LEO1: variants seen among roughly 807,000 people sequenced by gnomAD.
LEO1 encodes the protein LEO1 component of Paf1/RNA polymerase II complex, also known as RNA polymerase-associated protein LEO1.
LEO1 carries 34 observed loss-of-function variants against 80.4 expected under a neutral mutation model. The ratio of observed to expected loss-of-function variants is 0.42; its 90% CI spans 0.32 to 0.56. LEO1 has a LOEUF of 0.56. Among genes scored for constraint, LEO1 ranks in the 20% least tolerant of loss-of-function variants. LEO1 has a pLI of 0.10. For synonymous variants in LEO1, 262 were observed against 274.9 expected, an observed-to-expected ratio of 0.95 and a Z score of 0.46; for missense variants, 631 against 814.2, an observed-to-expected ratio of 0.77 and a Z score of 2.74.
chr15:51,970,724 G>T (rs529703721), intron 1 of LEO1, among the ~76,000 whole-genome samples: 46 of 152,248 alleles, frequency 3.0e-4, no homozygotes, highest in African/African-American at 1.1e-3. Flanking sequence ...TTTTATTTGG[G>T]GGTGATGAAA....
intron 11 of LEO1, chr15:51,947,013 C>T: frequency 2.6e-6 from 1 of 387,158 alleles, no homozygotes; most frequent in Non-Finnish European, 4.7e-6. Context: ...TCCGGAGTGA[C>T]CTACCAGAGA....
At chr15:51,947,559 G>C (rs1172353235) in intron 10 of LEO1, among the ~76,000 whole-genome samples, 170 bp from the exon 11 acceptor site, 1 of 152,042 alleles carries the variant, frequency 6.6e-6, no homozygotes, top group Non-Finnish European at 1.5e-5. Flanking sequence ...GGGACCACAG[G>C]TGTGCACTAC....
chr15:51,959,004 C>CTT (rs779645883), intron 5 of LEO1, among the ~76,000 whole-genome samples, 178 bp from the exon 6 acceptor site: 3 of 140,406 alleles, frequency 2.1e-5, no homozygotes, highest in South Asian at 2.3e-4. Flanking sequence ...GTACTTTTTT[C>CTT]TTTTTTTTTT....
In LEO1 at chr15:51,947,282, T is replaced by C; in HGVS notation, c.1896+10A>G. ...GATAAACCCCTAGAATTGAATAAAT[T>C]TGGTCTTACCTCATCACTGGTAAGT... On this transcript the variant is annotated intron_variant, in intron 11 of 11. Coordinates refer to ENST00000299601, the MANE Select transcript of LEO1 (RefSeq NM_138792.4). The C allele has an allele frequency of 6.4e-7, 1 of 1,571,144 alleles. No homozygotes were observed. Among genetic ancestry groups the C allele is most frequent in the Non-Finnish European group, 8.8e-7 (1 of 1,141,080 alleles).
chr15:51,940,784 C>CA (rs200079120), intron 11 of LEO1, among the ~76,000 whole-genome samples: 2 of 150,264 alleles, frequency 1.3e-5, no homozygotes, highest in South Asian at 2.1e-4. Context: ...ATAATTGCTA[C>CA]AAAAAAAAAT....
chr15:51,964,167 C>A (rs1029519210), intron 2 of LEO1, among the ~76,000 whole-genome samples: 1 of 151,320 alleles, frequency 6.6e-6, no homozygotes, highest in African/African-American at 2.4e-5. Context: ...GATCATGCCA[C>A]TACACTCCAG....
At chr15:51,963,205 G>T (rs1003911367) in intron 2 of LEO1, among the ~76,000 whole-genome samples, 4 of 152,138 alleles carry the variant, frequency 2.6e-5, no homozygotes, top group Admixed American at 1.3e-4. Flanking sequence ...GAACCTGGGA[G>T]ACTGATGGTG....
intron 2 of LEO1, among the ~76,000 whole-genome samples, chr15:51,964,815 T>A (rs1489750883): frequency 6.6e-6 from 1 of 152,200 alleles, no homozygotes; most frequent in Admixed American, 6.5e-5. Flanking sequence ...TTCAACTTAA[T>A]TAAGGTAACT....
At chr15:51,957,414 G>A (rs567492731) in intron 6 of LEO1, among the ~76,000 whole-genome samples, 2 of 152,176 alleles carry the variant, frequency 1.3e-5, no homozygotes, top group South Asian at 4.1e-4. Context: ...AATATTAACA[G>A]ATGGGCTAAT....
intron 9 of LEO1, among the ~76,000 whole-genome samples, chr15:51,950,446 C>CCAGCCCCT (rs2056940235): frequency 6.6e-6 from 1 of 152,202 alleles, no homozygotes; most frequent in Non-Finnish European, 1.5e-5. Flanking sequence ...TATTCTGGTC[C>CCAGCCCCT]CAGCCCCTCA....
rs944968154 is a variant in LEO1 at position 51,966,447 on chromosome 15, T to C, written c.116A>G (p.Asn39Ser). 5 of 1,613,692 alleles carry C rather than the reference T, an allele frequency of 3.1e-6. No homozygotes were observed. Among genetic ancestry groups the C allele is most frequent in the Non-Finnish European group, 3.4e-6 (4 of 1,179,782 alleles). Reference sequence around the variant, plus strand: ...CTGATCACTTTCACTTCCAGAGGCATTACTGCCAGAGGCAGCATTCTCTTG... The same window carrying C: ...CTGATCACTTTCACTTCCAGAGGCACTACTGCCAGAGGCAGCATTCTCTTG... ...SDQENAASGS[N>S]ASGSESDQDE... The change falls in exon 2 of 12, where the codon AAT (asparagine) becomes AGT (serine). Residue 39 changes from asparagine (N) to serine (S), a missense_variant. By Grantham distance (46) the Asn-to-Ser change is conservative. Coordinates refer to ENST00000299601, the MANE Select transcript of LEO1 (RefSeq NM_138792.4).
At chr15:51,942,332 G>A (rs1291633384) in intron 11 of LEO1, among the ~76,000 whole-genome samples, 4 of 152,040 alleles carry the variant, frequency 2.6e-5, no homozygotes, top group African/African-American at 4.8e-5. Flanking sequence ...TAACAGCTAG[G>A]TGGCCATTCC....
At chr15:51,960,190 C>T (rs563561338) in intron 4 of LEO1, 146 bp from the exon 5 acceptor site, 1 of 577,970 alleles carries the variant, frequency 1.7e-6, no homozygotes. Context: ...CATCCCAACC[C>T]ACCTACACAC....
rs141332132 is a variant in LEO1 at position 51,965,912 on chromosome 15, C to G, written c.651G>C (p.Pro217=). ...TCTCATCATCATTATCAGAAGCTAC[C>G]GGCCGTTCATCATCAGAATTAGCCT... The part of the protein sequence containing the change: ...EEKANSDDER[P]VASDNDDEKQ... Residue 217 remains proline, a synonymous_variant, in exon 2 of 12, where the codon CCG becomes CCC. Coordinates refer to ENST00000299601, the MANE Select transcript of LEO1 (RefSeq NM_138792.4). The G allele has an allele frequency of 6.2e-7, 1 of 1,614,056 alleles. No individual in the cohort carries two copies. The highest frequency in any genetic ancestry group is 8.5e-7 in the Non-Finnish European group (1 of 1,180,010).
intron 11 of LEO1, among the ~76,000 whole-genome samples, chr15:51,939,535 C>CA: frequency 6.6e-6 from 1 of 152,302 alleles, no homozygotes; most frequent in African/African-American, 2.4e-5. Flanking sequence ...ACCTAAACAG[C>CA]AATATTGAAA....
At chr15:51,969,106 G>A (rs1294357034) in intron 1 of LEO1, among the ~76,000 whole-genome samples, 2 of 151,764 alleles carry the variant, frequency 1.3e-5, no homozygotes, top group Admixed American at 1.3e-4. Context: ...ATGGGCGCAC[G>A]CCACCACACC....
At chr15:51,938,372 T>C in intron 11 of LEO1, 112 bp from the exon 12 acceptor site, 1 of 638,736 alleles carries the variant, frequency 1.6e-6, no homozygotes. Flanking sequence ...AAGTAACGGT[T>C]CCTGCAGGTT....
At chr15:51,971,205 C>T (rs1379258298) in intron 1 of LEO1, among the ~76,000 whole-genome samples, 2 of 152,186 alleles carry the variant, frequency 1.3e-5, no homozygotes, top group Non-Finnish European at 2.9e-5. Context: ...CCGTCCCAGA[C>T]TCGTCATCCA....
Position 51,956,422 on chromosome 15 carries a change from CA to C in LEO1, c.1246-1848del, listed in dbSNP as rs34613118. On this transcript the variant is annotated intron_variant, in intron 6 of 11. Transcript: ENST00000299601. The stretch of plus-strand genomic sequence containing the variant: ...GCGACGACAGAGCAAGACTCCATCT[CA>C]AAAAAAAAAAAAAAAAAACCACAAA... 4.2e-3 allele frequency among the ~76,000 whole-genome samples: 327 copies of C among 78,550 alleles called. 1 individual carries two copies. The East Asian group carries it at 0.044, about 11-fold the overall frequency. The allele number at this position is 78,550 out of a possible 152,430, so 51.5% of individuals were successfully genotyped here.
Sources: allele counts gnomAD v4.1 joint callset (sites outside exome capture counted in the v4.1 genomes callset), GRCh38; gene constraint gnomAD v4.1.1; transcripts MANE v1.5; gene names NCBI Gene and HGNC (gene_info 2026-07-23, HGNC 2026-07-21).